Variants in SPNS3 observed in about 807,000 individuals in gnomAD.
The protein encoded by SPNS3 is protein spinster homolog 3.
SPNS3 carries 51 observed loss-of-function variants against 54.4 expected under a neutral mutation model. The observed-to-expected ratio is 0.94, with a 90% CI of 0.75 to 1.18. The LOEUF is 1.18. SPNS3 is among the 50% of genes most tolerant of loss of function. The probability of loss-of-function intolerance (pLI) is 0.00; values close to 1 mark genes in which losing one functional copy is unlikely to be tolerated. For synonymous variants in SPNS3, 309 were observed against 294.7 expected (o/e 1.05, Z -0.50); for missense variants, 669 against 677.4 (o/e 0.99, Z 0.14).
At chr17:4,472,966 A>G (rs142858669) in intron 8 of SPNS3, among the ~76,000 whole-genome samples, 298 of 150,702 alleles carry the variant, frequency 2.0e-3, no homozygotes, top group Non-Finnish European at 3.2e-3. Context: ...TTTTAAAATT[A>G]TCTGTAGAGA....
chr17:4,450,679 T>C (rs11658640), intron 7 of SPNS3, among the ~76,000 whole-genome samples: 71,825 of 151,062 alleles, frequency 0.48, 17,479 homozygotes, highest in Middle Eastern at 0.57. Flanking sequence ...TGACTGCAGT[T>C]TCCACCTCCC....
At chr17:4,447,121 T>C (rs1275698141) in intron 5 of SPNS3, among the ~76,000 whole-genome samples, 159 bp downstream of exon 5, 2 of 152,000 alleles carry the variant, frequency 1.3e-5, no homozygotes, top group African/African-American at 4.8e-5. Flanking sequence ...TGGGGCCTCA[T>C]AGGGAGCATG....
intron 8 of SPNS3, among the ~76,000 whole-genome samples, chr17:4,473,430 C>G (rs569030362): frequency 2.7e-5 from 4 of 148,432 alleles, no homozygotes; most frequent in Non-Finnish European, 5.9e-5. Flanking sequence ...GAGAGTCTCA[C>G]TCTTTTGCCC....
intron 1 of SPNS3, among the ~76,000 whole-genome samples, chr17:4,434,873 C>T (rs1291791989): frequency 7.3e-5 from 11 of 149,856 alleles, no homozygotes; most frequent in Non-Finnish European, 1.2e-4. Context: ...GGCGCGATCT[C>T]GGCTCACTGC....
intron 8 of SPNS3, among the ~76,000 whole-genome samples, chr17:4,455,918 G>GT (rs1491522726): frequency 0.013 from 227 of 18,042 alleles, no homozygotes; most frequent in African/African-American, 0.02. Context: ...TGCCCTCTGT[G>GT]GGGGGGGGGT....
intron 9 of SPNS3, among the ~76,000 whole-genome samples, chr17:4,480,249 T>G (rs1764028732): frequency 6.6e-6 from 1 of 152,140 alleles, no homozygotes; most frequent in African/African-American, 2.4e-5. Context: ...AGACTTGGGC[T>G]CCAGCCCAGA....
chr17:4,455,946 C>A (rs1971302574), intron 8 of SPNS3, among the ~76,000 whole-genome samples: 1 of 151,940 alleles, frequency 6.6e-6, no homozygotes, highest in Non-Finnish European at 1.5e-5. Flanking sequence ...ACCTGAAGCC[C>A]CTCACTCAGC....
In SPNS3 at chr17:4,468,218, A is replaced by C. The variant is rs73323830; in HGVS notation, c.1114-10354A>C. ...CACGTTGGGCAGCTCAGGTGGAAGAATCGCTTGAGCTTAAGCTCAGGAGTT... is the reference window on the plus strand; with the variant it reads ...CACGTTGGGCAGCTCAGGTGGAAGACTCGCTTGAGCTTAAGCTCAGGAGTT... On this transcript the variant is annotated intron_variant, in intron 8 of 11. Transcript: ENST00000355530. Among the ~76,000 whole-genome samples, 572 of 152,348 alleles carry C rather than the reference A, an allele frequency of 3.8e-3. 2 individuals are homozygous for C. The highest frequency in any genetic ancestry group is 0.013 in the African/African-American group (548 of 41,596).
chr17:4,467,127 G>C (rs969343535), intron 8 of SPNS3, among the ~76,000 whole-genome samples: 1 of 152,090 alleles, frequency 6.6e-6, no homozygotes, highest in Non-Finnish European at 1.5e-5. Context: ...GTCAGCCAGG[G>C]AGCAGCAGAG....
intron 3 of SPNS3, among the ~76,000 whole-genome samples, chr17:4,445,447 C>T (rs1970959581): frequency 6.6e-6 from 1 of 151,604 alleles, no homozygotes; most frequent in Non-Finnish European, 1.5e-5. Context: ...GTGATCTCGA[C>T]TCACTGCAAA....
intron 8 of SPNS3, among the ~76,000 whole-genome samples, chr17:4,458,641 C>A (rs1286505004): frequency 8.1e-6 from 1 of 123,672 alleles, no homozygotes; most frequent in Non-Finnish European, 1.7e-5. Context: ...TTCTTTCTTT[C>A]TTTCTTTCCT....
intron 8 of SPNS3, among the ~76,000 whole-genome samples, chr17:4,474,895 CGTA>C (rs1420914006): frequency 6.6e-6 from 1 of 152,128 alleles, no homozygotes; most frequent in Admixed American, 6.6e-5. Flanking sequence ...CGCATATGTA[CGTA>C]GTTGTGGCGT....
chr17:4,451,195 C>T (rs964427066), intron 7 of SPNS3, among the ~76,000 whole-genome samples: 12 of 151,704 alleles, frequency 7.9e-5, no homozygotes, highest in Non-Finnish European at 1.0e-4. Flanking sequence ...AGCCAGACCT[C>T]GCACAGCTTG....
intron 8 of SPNS3, among the ~76,000 whole-genome samples, chr17:4,454,380 C>T (rs879898523): frequency 6.6e-6 from 1 of 152,238 alleles, no homozygotes; most frequent in Non-Finnish European, 1.5e-5. Flanking sequence ...AGCTCCATGG[C>T]CCTGGGCCCT....
At chr17:4,457,255 G>A (rs1211090536) in intron 8 of SPNS3, among the ~76,000 whole-genome samples, 3 of 152,166 alleles carry the variant, frequency 2.0e-5, no homozygotes, top group Admixed American at 2.0e-4. Context: ...AGTTGGACAT[G>A]GTGGCACATG....
At chr17:4,467,610 T>C (rs1233989152) in intron 8 of SPNS3, among the ~76,000 whole-genome samples, 1 of 152,160 alleles carries the variant, frequency 6.6e-6, no homozygotes, top group Non-Finnish European at 1.5e-5. Context: ...CAAAGTCTGT[T>C]AAGCACCAGG....
In SPNS3 at chr17:4,487,991, T is replaced by A; in HGVS notation, c.*97T>A. Reference sequence around the variant, plus strand: ...TTTGGCTGTCCTCGGGGACTCCGGCTGAGGCACATCTGCCACTTTTGAATT... The same window carrying A: ...TTTGGCTGTCCTCGGGGACTCCGGCAGAGGCACATCTGCCACTTTTGAATT... On this transcript the variant is annotated 3_prime_UTR_variant, in exon 12 of 12. Coordinates refer to ENST00000355530, the MANE Select transcript of SPNS3 (RefSeq NM_182538.5). The A allele has an allele frequency of 9.4e-7, 1 of 1,067,168 alleles. No homozygotes were observed. Among genetic ancestry groups the A allele is most frequent in the South Asian group, 1.4e-5 (1 of 72,110 alleles). The allele number at this position is 1,067,168 out of a possible 1,614,324, so 66.1% of individuals were successfully genotyped here. A position where few individuals can be genotyped will look rare whatever the true frequency, so the allele number is the denominator to read the frequency against.
At chr17:4,478,236 T>C (rs1972060825) in intron 8 of SPNS3, among the ~76,000 whole-genome samples, 1 of 152,022 alleles carries the variant, frequency 6.6e-6, no homozygotes, top group Non-Finnish European at 1.5e-5. Flanking sequence ...CCTCCCAAAG[T>C]GCTGGAATTA....
intron 3 of SPNS3, among the ~76,000 whole-genome samples, chr17:4,445,562 A>G (rs773223424): frequency 4.1e-4 from 62 of 151,978 alleles, no homozygotes; most frequent in Non-Finnish European, 8.8e-5. Context: ...TTTTTAGTAG[A>G]GACAGGGTTT....
Sources: allele counts gnomAD v4.1 joint callset (sites outside exome capture counted in the v4.1 genomes callset), GRCh38; gene constraint gnomAD v4.1.1; transcripts MANE v1.5; gene names NCBI Gene and HGNC (gene_info 2026-07-23, HGNC 2026-07-21).